Variants in SLC4A8 observed in about 807,000 individuals in gnomAD.
SLC4A8 encodes the protein electroneutral sodium bicarbonate exchanger 1.
A neutral mutation model predicts 125.0 loss-of-function variants in SLC4A8; 40 were observed. The observed-to-expected ratio is 0.32, with a 90% CI of 0.25 to 0.42. The LOEUF (loss-of-function observed/expected upper bound fraction) is 0.42, where lower values mean the gene tolerates loss of function less well. Among genes scored for constraint, SLC4A8 ranks in the 10% least tolerant of loss-of-function variants. The pLI, the probability that SLC4A8 is intolerant of heterozygous loss-of-function variation, is 1.00. For missense variants in SLC4A8, 863 were observed against 1,355.1 expected, an observed-to-expected ratio of 0.64 and a Z score of 5.70; for synonymous variants, 456 against 476.0, an observed-to-expected ratio of 0.96 and a Z score of 0.55.
intron 2 of SLC4A8, among the ~76,000 whole-genome samples, chr12:51,447,008 A>AC (rs1054674240): frequency 1.1e-4 from 16 of 151,432 alleles, no homozygotes; most frequent in African/African-American, 3.9e-4. Flanking sequence ...AACAGCACTA[A>AC]CCAAGGGTGC....
At chr12:51,461,143 A>T in intron 8 of SLC4A8, 61 bp from the exon 9 acceptor site, 1 of 792,160 alleles carries the variant, frequency 1.3e-6, no homozygotes, top group Non-Finnish European at 2.2e-6. Flanking sequence ...CTGTTTAGAG[A>T]GGACTAATGG....
At chr12:51,459,908 G>A in intron 7 of SLC4A8, 43 bp from the exon 8 acceptor site, 3 of 1,540,128 alleles carry the variant, frequency 1.9e-6, no homozygotes, top group Non-Finnish European at 2.7e-6. Context: ...GATATTTAAG[G>A]TGGTGGTTCC....
chr12:51,504,650 A>G (rs955907708), intron 23 of SLC4A8, among the ~76,000 whole-genome samples: 1 of 152,242 alleles, frequency 6.6e-6, no homozygotes, highest in African/African-American at 2.4e-5. Flanking sequence ...CCTAGTAGGC[A>G]TGAAATCCAA....
chr12:51,417,317 A>G (rs986699410), intron 1 of SLC4A8, among the ~76,000 whole-genome samples: 1 of 151,346 alleles, frequency 6.6e-6, no homozygotes, highest in African/African-American at 2.4e-5. Context: ...CTGAGACTAC[A>G]AGTGTGCAAC....
rs1275197956 is a variant in SLC4A8 at position 51,398,079 on chromosome 12, A to G, written c.-112+6591A>G. On this transcript the variant is annotated intron_variant, in intron 1 of 24. Transcript: ENST00000358657. Reference sequence around the variant, plus strand: ...GTGAGCCACTGCGTTCTGCTCGAGTATCCTTATTTTTACAAGTGAGAATTT... The same window carrying G: ...GTGAGCCACTGCGTTCTGCTCGAGTGTCCTTATTTTTACAAGTGAGAATTT... Among the ~76,000 whole-genome samples, 3 of 152,208 alleles carry G rather than the reference A, an allele frequency of 2.0e-5. No individual in the cohort carries two copies. In the East Asian group the frequency reaches 5.8e-4, roughly 30 times the overall value.
chr12:51,412,436 T>C (rs1948612426), intron 1 of SLC4A8, among the ~76,000 whole-genome samples: 1 of 152,262 alleles, frequency 6.6e-6, no homozygotes, highest in African/African-American at 2.4e-5. Context: ...GTTTTGGAAA[T>C]ATTTCAAATC....
rs1938259054 is a variant in SLC4A8 at position 51,508,521 on chromosome 12, A to C, written c.*1083A>C. On this transcript the variant is annotated 3_prime_UTR_variant, in exon 25 of 25. Transcript: ENST00000453097. ...AGCTGCCTTAGAGTAAACGATCATCAGTTCAATGGACCAAAATCACCTTCA... is the reference window on the plus strand; with the variant it reads ...AGCTGCCTTAGAGTAAACGATCATCCGTTCAATGGACCAAAATCACCTTCA... 6.6e-6 allele frequency: 1 copy of C among 152,628 alleles called. No homozygotes were observed. The highest frequency in any genetic ancestry group is 1.5e-5 in the Non-Finnish European group (1 of 68,038). 9.5% of individuals were successfully genotyped at this position (152,628 alleles called of 1,614,324 possible).
At chr12:51,444,828 A>T (rs1474586989) in intron 2 of SLC4A8, among the ~76,000 whole-genome samples, 1 of 152,226 alleles carries the variant, frequency 6.6e-6, no homozygotes, top group Non-Finnish European at 1.5e-5. Context: ...AATTTAAACC[A>T]ATAACATGAA....
chr12:51,462,397 C>T lies in SLC4A8; in HGVS notation c.1189C>T (p.Pro397Ser). The change falls in exon 10 of 25, where the codon CCT becomes TCT. Residue 397 changes from proline to serine, a missense_variant. Coordinates refer to ENST00000453097, the MANE Select transcript of SLC4A8 (RefSeq NM_001039960.3). ...DEFLDQVTVL[P>S]PGEWDPSIRI... ...GTTCCTAGACCAGGTGACGGTGCTCCCTCCAGGAGAGTGGGATCCCTCCAT... is the reference window on the plus strand; with the variant it reads ...GTTCCTAGACCAGGTGACGGTGCTCTCTCCAGGAGAGTGGGATCCCTCCAT... The T allele has an allele frequency of 6.2e-7, 1 of 1,607,754 alleles. No individual in the cohort carries two copies. Among genetic ancestry groups the T allele is most frequent in the Non-Finnish European group, 8.5e-7 (1 of 1,178,144 alleles).
chr12:51,424,967 G>T lies in SLC4A8; in HGVS notation c.-21G>T. The T allele has an allele frequency of 1.3e-6, 2 of 1,551,270 alleles. No homozygotes were observed. Among genetic ancestry groups the T allele is most frequent in the South Asian group, 1.2e-5 (1 of 84,100 alleles). On this transcript the variant is annotated 5_prime_UTR_variant, in exon 1 of 25. The change creates a premature stop within an existing upstream ORF in the 5' untranslated region. Transcript: ENST00000453097. ...GATGCTTGGCTTGGAGCCCGTGGGG[G>T]AGACCTAGTTCGGCTCCGCCATGCC...
chr12:51,505,346 C>A, intron 23 of SLC4A8, among the ~76,000 whole-genome samples: 1 of 152,114 alleles, frequency 6.6e-6, no homozygotes, highest in Admixed American at 6.5e-5. Flanking sequence ...TTCATTTCTG[C>A]ACCTTCAAAA....
rs1027790391 is a variant in SLC4A8 at position 51,488,618 on chromosome 12, T to C, written c.2287-81T>C. ...CCTCACTCAAGAATAAAAAGAAATA[T>C]GGATATTGTGATCCAGTTTGATATG... On this transcript the variant is annotated intron_variant, in intron 17 of 24. Coordinates refer to ENST00000453097, the MANE Select transcript of SLC4A8 (RefSeq NM_001039960.3). 9 of 1,040,218 alleles carry C rather than the reference T, an allele frequency of 8.7e-6. No individual in the cohort carries two copies. In the African/African-American group the frequency reaches 9.6e-5, roughly 11 times the overall value. 64.4% of individuals were successfully genotyped at this position (1,040,218 alleles called of 1,614,324 possible).
chr12:51,403,515 A>G (rs1424009573), intron 1 of SLC4A8, among the ~76,000 whole-genome samples: 1 of 152,192 alleles, frequency 6.6e-6, no homozygotes. Flanking sequence ...TAGAAATGAA[A>G]CAAGGGTACA....
intron 1 of SLC4A8, among the ~76,000 whole-genome samples, chr12:51,419,177 G>A (rs1337273737): frequency 6.6e-6 from 1 of 152,174 alleles, no homozygotes; most frequent in African/African-American, 2.4e-5. Context: ...ACTGCCCTGG[G>A]CAAGTCCCTA....
At chr12:51,426,924 T>C (rs1221238855) in intron 1 of SLC4A8, among the ~76,000 whole-genome samples, 1 of 150,472 alleles carries the variant, frequency 6.6e-6, no homozygotes, top group African/African-American at 2.4e-5. Flanking sequence ...GAACAGATTT[T>C]CTTTTTTTTT....
chr12:51,437,830 A>G (rs1949468617), intron 1 of SLC4A8, among the ~76,000 whole-genome samples: 1 of 152,212 alleles, frequency 6.6e-6, no homozygotes, highest in African/African-American at 2.4e-5. Flanking sequence ...GAATGTGCAC[A>G]GTGCTCTCGG....
intron 1 of SLC4A8, among the ~76,000 whole-genome samples, chr12:51,399,381 T>C (rs529777148): frequency 6.6e-6 from 1 of 152,376 alleles, no homozygotes; most frequent in East Asian, 1.9e-4. Flanking sequence ...CAGCCACTGT[T>C]ACTGATTTCT....
upstream of SLC4A8, among the ~76,000 whole-genome samples, chr12:51,420,844 C>T (rs564678208): frequency 6.6e-6 from 1 of 152,324 alleles, no homozygotes; most frequent in East Asian, 1.9e-4. Context: ...TCTGAGCTCA[C>T]AGTCTAGTGT....
chr12:51,470,256 C>T, intron 12 of SLC4A8, 136 bp from the exon 13 acceptor site: 1 of 739,866 alleles, frequency 1.4e-6, no homozygotes, highest in Non-Finnish European at 2.3e-6. Context: ...GGTGTGTACA[C>T]ATCACTCTTG....
Sources: gnomAD v4.1 joint callset for allele counts (sites outside exome capture counted in the v4.1 genomes callset) on GRCh38, gnomAD v4.1.1 for gene constraint, MANE v1.5 for transcripts, NCBI Gene and HGNC (gene_info 2026-07-23, HGNC 2026-07-21) for gene names.